Variants in IDH3A observed in about 807,000 individuals in gnomAD.
IDH3A encodes the protein isocitrate dehydrogenase [NAD] subunit alpha, mitochondrial.
Under a neutral mutation model 43.3 loss-of-function variants are expected in IDH3A, and 23 were observed. The observed-to-expected ratio is 0.53, with a 90% confidence interval of 0.38 to 0.75. IDH3A has a LOEUF of 0.75. Among genes scored for constraint, IDH3A ranks in the 30% least tolerant of loss-of-function variants. IDH3A has a pLI of 0.00. For missense variants in IDH3A, 329 were observed against 474.4 expected, an observed-to-expected ratio of 0.69 and a Z score of 2.85; for synonymous variants, 154 against 163.5, an observed-to-expected ratio of 0.94 and a Z score of 0.44.
At chr15:78,151,066 T>G (rs1336156293) in intron 1 of IDH3A, 2 of 152,160 alleles carry the variant, frequency 1.3e-5, no homozygotes, top group Non-Finnish European at 2.9e-5. Context: ...AAAACCCTCA[T>G]AGTAGGTATT....
intron 1 of IDH3A, among the ~76,000 whole-genome samples, chr15:78,152,650 G>A (rs1024318249): frequency 2.0e-5 from 3 of 152,114 alleles, no homozygotes; most frequent in African/African-American, 7.2e-5. Context: ...GTGAGCCACC[G>A]CATCCGGCCT....
intron 1 of IDH3A, among the ~76,000 whole-genome samples, chr15:78,152,357 C>CT (rs33914139): frequency 0.052 from 4,208 of 80,718 alleles, 218 homozygotes; most frequent in South Asian, 0.15. Context: ...TGCGCCCGGC[C>CT]TTTTTTTTTT....
At chr15:78,152,752 T>A (rs2074590233) in intron 1 of IDH3A, among the ~76,000 whole-genome samples, 1 of 152,182 alleles carries the variant, frequency 6.6e-6, no homozygotes, top group Non-Finnish European at 1.5e-5. Context: ...GTCATTGTGA[T>A]GACTTAGGTG....
At position 78,161,793 on chromosome 15, in the gene IDH3A, T is replaced by C. The variant is rs2141297595; in HGVS notation, c.477+25T>C. The C allele has an allele frequency of 2.5e-6, 4 of 1,597,978 alleles. No individual in the cohort carries two copies. Among genetic ancestry groups the C allele is most frequent in the Non-Finnish European group, 3.4e-6 (4 of 1,165,856 alleles). On this transcript the variant is annotated intron_variant, in intron 5 of 10. Transcript: ENST00000299518. This position sits in a 1 kb window ranked among gnomAD's most constrained non-coding sequence, Gnocchi z 4.8. ...GGTATGTTCACTCCAGATTCTTTTT[T>C]ATTCCTGCTTGGACTGCTTTCTGTG...
chr15:78,164,416 A>G (rs1356327842), intron 8 of IDH3A, among the ~76,000 whole-genome samples: 1 of 150,054 alleles, frequency 6.7e-6, no homozygotes, highest in African/African-American at 2.5e-5. Context: ...GCAGTGGCAC[A>G]ATCTCGGCTC....
In IDH3A at chr15:78,171,522, C is replaced by T. The variant is rs375772785; in HGVS notation, c.*2517C>T. On this transcript the variant is annotated 3_prime_UTR_variant, in exon 11 of 11. Transcript: ENST00000299518. ...AAACTGTGAGCCGTTTCAGTTTCAT[C>T]GTGGGACCTAAAAGGGAAATGAGAA... 28 of 1,613,812 alleles carry T rather than the reference C, an allele frequency of 1.7e-5. No homozygotes were observed. In the East Asian group the frequency reaches 2.5e-4, roughly 14 times the overall value.
At chr15:78,162,545 GTT>G (rs34495427) in intron 6 of IDH3A, among the ~76,000 whole-genome samples, 178 bp downstream of exon 6, 39 of 120,154 alleles carry the variant, frequency 3.2e-4, no homozygotes, top group Middle Eastern at 4.3e-3. Flanking sequence ...TTTCTCCTCT[GTT>G]TTTTTTTTTT....
rs1222580945 is a variant in IDH3A, at chr15:78,162,231, C to T, written c.478-3C>T. On this transcript the variant is annotated splice_region_variant and splice_polypyrimidine_tract_variant and intron_variant, in intron 5 of 10. Transcript: ENST00000299518. ...CAGCAAGGTGGGACTTCCTGTCTTG[C>T]AGATTGTTGATGGAGTCGTGCAGAG... 1.9e-6 allele frequency: 3 copies of T among 1,614,002 alleles called. No individual in the cohort carries two copies. In the Admixed American group the frequency reaches 5.0e-5, roughly 27 times the overall value.
rs1204298194 is a variant in IDH3A, at chr15:78,171,357, G to C, written c.*2352G>C. The C allele has an allele frequency of 8.0e-6, 9 of 1,122,358 alleles. No individual in the cohort carries two copies. The highest frequency in any genetic ancestry group is 2.0e-5 in the Admixed American group (1 of 48,968). 69.5% of individuals were successfully genotyped at this position (1,122,358 alleles called of 1,614,324 possible). The stretch of plus-strand genomic sequence containing the variant: ...TCTAACAGACTTGGCAGAAATGCCT[G>C]TGCCCAGACTGAAGAGACCTGGGGC... On this transcript the variant is annotated 3_prime_UTR_variant, in exon 11 of 11. Coordinates refer to ENST00000299518, the MANE Select transcript of IDH3A (RefSeq NM_005530.3).
Position 78,169,249 on chromosome 15 carries a change from G to A in IDH3A, c.*244G>A, listed in dbSNP as rs1012119269. 13 of 316,406 alleles carry A rather than the reference G, an allele frequency of 4.1e-5. No individual in the cohort carries two copies. The highest frequency in any genetic ancestry group is 7.5e-5 in the Non-Finnish European group (13 of 173,646). The allele number at this position is 316,406 out of a possible 1,614,324, so 19.6% of individuals were successfully genotyped here. On this transcript the variant is annotated 3_prime_UTR_variant, in exon 11 of 11. Transcript: ENST00000299518. The stretch of plus-strand genomic sequence containing the variant: ...TGTCTACCTGGTAAATGTTTTTTTT[G>A]TAAACTCTGAGTGGACTGTATCATT...
At position 78,158,464 on chromosome 15, in the gene IDH3A, T is replaced by TATATATATATATATATATATATATATATA. The variant is rs71145899; in HGVS notation, c.174+833_174+834insATATATATATATATATATATATATATATA. On this transcript the variant is annotated intron_variant, in intron 3 of 10. Coordinates refer to ENST00000299518, the MANE Select transcript of IDH3A (RefSeq NM_005530.3). ...ACATACATACATATATATATATATATTTTTTTTTTTTTTTTTTTTTTTTTT... is the reference window on the plus strand; with the variant it reads ...ACATACATACATATATATATATATATATATATATATATATATATATATATATATATTTTTTTTTTTTTTTTTTTTTTTTT... 9.4e-4 allele frequency among the ~76,000 whole-genome samples: 47 copies of TATATATATATATATATATATATATATATA among 49,976 alleles called. 2 individuals are homozygous for TATATATATATATATATATATATATATATA. Among genetic ancestry groups the TATATATATATATATATATATATATATATA allele is most frequent in the Non-Finnish European group, 1.3e-3 (35 of 26,536 alleles). 32.8% of individuals were successfully genotyped at this position (49,976 alleles called of 152,430 possible).
rs1399701754 is a variant in IDH3A at position 78,169,674 on chromosome 15, A to G, written c.*669A>G. 2 of 152,214 alleles carry G rather than the reference A, an allele frequency of 1.3e-5. No homozygotes were observed. The highest frequency in any genetic ancestry group is 2.4e-5 in the African/African-American group (1 of 41,454). The allele number at this position is 152,214 out of a possible 1,614,324, so 9.4% of individuals were successfully genotyped here. A position where few individuals can be genotyped will look rare whatever the true frequency, so the allele number is the denominator to read the frequency against. On this transcript the variant is annotated 3_prime_UTR_variant, in exon 11 of 11. Coordinates refer to ENST00000299518, the MANE Select transcript of IDH3A (RefSeq NM_005530.3). ...TAATATATTGGATACAAAGACACAA[A>G]TGTATTGTGTGTTCAATTATTTTGT...
intron 2 of IDH3A, chr15:78,156,780 C>A: frequency 1.7e-6 from 1 of 580,038 alleles, no homozygotes; most frequent in Non-Finnish European, 2.7e-6. Context: ...ATTTGAAATG[C>A]TGGCTTCGTT....
At position 78,162,143 on chromosome 15, in the gene IDH3A, C is replaced by T. The variant is rs192491047; in HGVS notation, c.478-91C>T. ...TGCTAGCTGGCACTGTGCAGGCCTG[C>T]CACAAATGTTACTGTCTACTCCCCA... On this transcript the variant is annotated intron_variant, in intron 5 of 10. Transcript: ENST00000299518. 47 of 1,392,770 alleles carry T rather than the reference C, an allele frequency of 3.4e-5. 1 individual carries two copies. The Admixed American group carries it at 6.5e-4, about 19-fold the overall frequency. 86.3% of individuals were successfully genotyped at this position (1,392,770 alleles called of 1,614,324 possible).
intron 2 of IDH3A, 75 bp from the exon 3 acceptor site, chr15:78,157,473 C>T: frequency 9.9e-7 from 1 of 1,010,456 alleles, no homozygotes; most frequent in Non-Finnish European, 1.5e-6. Flanking sequence ...GTGGATTTCT[C>T]TGTCAAAATA....
chr15:78,163,037 G>A (rs1314987472), intron 6 of IDH3A, among the ~76,000 whole-genome samples: 1 of 152,124 alleles, frequency 6.6e-6, no homozygotes, highest in Admixed American at 6.6e-5. Flanking sequence ...TGGAATAGTG[G>A]GAGGCTTAAA....
At chr15:78,167,764 G>A (rs1261793212) in intron 10 of IDH3A, 1 of 152,130 alleles carries the variant, frequency 6.6e-6, no homozygotes, top group Non-Finnish European at 1.5e-5. Flanking sequence ...TACAGTATTT[G>A]TCCTTTGAGT....
Position 78,165,035 on chromosome 15 carries a change from A to C in IDH3A, c.823A>C (p.Ser275Arg). Residue 275 changes from serine to arginine, a missense_variant, in exon 9 of 11, where the codon AGT becomes CGT. Ser to Arg is a moderately radical substitution (Grantham distance 110). Coordinates refer to ENST00000299518, the MANE Select transcript of IDH3A (RefSeq NM_005530.3). ...GLIGGLGVTP[S>R]GNIGANGVAI... ...GATCGGAGGTCTCGGTGTGACACCA[A>C]GTGGCAACATTGGAGCCAATGGGGT... 1 of 1,614,080 alleles carries C rather than the reference A, an allele frequency of 6.2e-7. No homozygotes were observed. Among genetic ancestry groups the C allele is most frequent in the Non-Finnish European group, 8.5e-7 (1 of 1,179,946 alleles).
In IDH3A at chr15:78,149,380, G is replaced by T; in HGVS notation, c.-24G>T. ...CTTGCGCACTGCCGCTGCGGCTGTT[G>T]CTGCGGAGCCAGGAGGGGAAGCGAT... is the stretch of plus-strand genomic sequence containing the variant. On this transcript the variant is annotated 5_prime_UTR_variant, in exon 1 of 11. Coordinates refer to ENST00000299518, the MANE Select transcript of IDH3A (RefSeq NM_005530.3). The T allele has an allele frequency of 6.5e-7, 1 of 1,535,182 alleles. No homozygotes were observed. The highest frequency in any genetic ancestry group is 8.7e-7 in the Non-Finnish European group (1 of 1,148,022).
Sources: allele counts gnomAD v4.1 joint callset (sites outside exome capture counted in the v4.1 genomes callset), GRCh38; gene constraint gnomAD v4.1.1; non-coding constraint Gnocchi (gnomAD v3.1); transcripts MANE v1.5; gene names NCBI Gene and HGNC (gene_info 2026-07-23, HGNC 2026-07-21).